Variants in KAZN observed in about 807,000 individuals in gnomAD.
KAZN encodes the protein kazrin, periplakin interacting protein, also known as kazrin.
In KAZN, 40 loss-of-function variants were observed where a neutral mutation model predicts 87.4. That is an observed-to-expected ratio of 0.46 (90% CI 0.36 to 0.60). The LOEUF (loss-of-function observed/expected upper bound fraction) is 0.60. Among genes scored for constraint, KAZN ranks in the 20% least tolerant of loss-of-function variants. KAZN has a pLI of 0.00. For missense variants in KAZN, 898 were observed against 1,073.9 expected, an observed-to-expected ratio of 0.84 and a Z score of 2.29; for synonymous variants, 466 against 458.3, an observed-to-expected ratio of 1.02 and a Z score of -0.22.
At chr1:15,084,470 G>C (rs527661538) in intron 8 of KAZN, among the ~76,000 whole-genome samples, 1 of 152,202 alleles carries the variant, frequency 6.6e-6, no homozygotes, top group Non-Finnish European at 1.5e-5. Flanking sequence ...CAGAAAATAA[G>C]GGAAATCCCC....
intron 1 of KAZN, among the ~76,000 whole-genome samples, chr1:14,102,110 AT>A (rs1344554920): frequency 2.0e-5 from 3 of 152,140 alleles, no homozygotes; most frequent in African/African-American, 7.2e-5. Flanking sequence ...TAAAAAAAAA[AT>A]AAGTCCCTTG....
At chr1:14,255,119 CAAAAA>C (rs71570191) in intron 2 of KAZN, among the ~76,000 whole-genome samples, 5 of 83,776 alleles carry the variant, frequency 6.0e-5, no homozygotes, top group South Asian at 9.7e-4. Flanking sequence ...GACTCTGTCT[CAAAAA>C]AAAAAAAAAA....
chr1:14,370,057 T>A (rs1429827511), intron 2 of KAZN, among the ~76,000 whole-genome samples: 1 of 152,170 alleles, frequency 6.6e-6, no homozygotes, highest in African/African-American at 2.4e-5. Flanking sequence ...CAGCCATGAA[T>A]CTTTGCACTA....
chr1:13,920,320 A>G lies in KAZN; in HGVS notation c.91+26564A>G, dbSNP rs138177948. On this transcript the variant is annotated intron_variant, in intron 1 of 16. Transcript: ENST00000636203. ...TCTTTTTGCCATGAATCAAGTGTCC[A>G]TCCTATATGTGGTCTGTTTTGGACT... Among the ~76,000 whole-genome samples the G allele has an allele frequency of 6.4e-3, 960 of 150,734 alleles. 9 individuals carry two copies. The highest frequency in any genetic ancestry group is 0.01 in the Non-Finnish European group (706 of 67,842).
At chr1:14,211,188 T>C (rs187547932) in intron 2 of KAZN, among the ~76,000 whole-genome samples, 10 of 152,280 alleles carry the variant, frequency 6.6e-5, no homozygotes, top group African/African-American at 2.4e-4. Context: ...CAACTATTTG[T>C]CCACAATTCA....
intron 1 of KAZN, among the ~76,000 whole-genome samples, chr1:13,993,885 G>A (rs1007123042): frequency 3.3e-5 from 5 of 152,152 alleles, no homozygotes; most frequent in Non-Finnish European, 5.9e-5. Flanking sequence ...TAAAAATGGA[G>A]TCATAGTTTT....
intron 1 of KAZN, among the ~76,000 whole-genome samples, chr1:14,098,722 G>A (rs1420548068): frequency 2.0e-5 from 3 of 152,206 alleles, no homozygotes; most frequent in Non-Finnish European, 4.4e-5. Context: ...TGGAGACCAT[G>A]CCTTTAAGTT....
At chr1:14,092,874 G>T (rs189565869) in intron 1 of KAZN, among the ~76,000 whole-genome samples, 38 of 152,268 alleles carry the variant, frequency 2.5e-4, no homozygotes, top group Middle Eastern at 6.8e-3. Context: ...AGTTAATAAA[G>T]ATGCAATTTA....
intron 1 of KAZN, among the ~76,000 whole-genome samples, chr1:14,609,650 T>C (rs562362206): frequency 6.6e-6 from 1 of 152,360 alleles, no homozygotes; most frequent in South Asian, 2.1e-4. Flanking sequence ...TCTTCCTCTT[T>C]TCTTGGCAAT....
intron 2 of KAZN, among the ~76,000 whole-genome samples, chr1:14,549,613 C>CTTTTT (rs5772587): frequency 4.4e-5 from 6 of 135,194 alleles, no homozygotes; most frequent in Admixed American, 7.5e-5. Context: ...CAGGCAACCC[C>CTTTTT]TTTTTTTTTT....
At chr1:14,931,940 G>A (rs1023689298) in intron 1 of KAZN, among the ~76,000 whole-genome samples, 2 of 152,124 alleles carry the variant, frequency 1.3e-5, no homozygotes, top group East Asian at 3.9e-4. Flanking sequence ...CGTGTTCCCA[G>A]AATCTACTAG....
chr1:14,857,340 G>A (rs768519862), intron 1 of KAZN, among the ~76,000 whole-genome samples: 56 of 152,034 alleles, frequency 3.7e-4, no homozygotes, highest in Admixed American at 2.6e-3. Context: ...GCCTAAGCTC[G>A]AGACTAGCCT....
At chr1:14,353,518 C>T (rs1658738723) in intron 2 of KAZN, among the ~76,000 whole-genome samples, 2 of 152,148 alleles carry the variant, frequency 1.3e-5, no homozygotes, top group African/African-American at 4.8e-5. Flanking sequence ...CGCGCCCGGC[C>T]GACGTCACTT....
chr1:14,137,081 C>T (rs1162837402), intron 1 of KAZN, among the ~76,000 whole-genome samples: 2 of 152,162 alleles, frequency 1.3e-5, no homozygotes, highest in African/African-American at 4.8e-5. Context: ...TGGGTTTTCC[C>T]AACAAGTGAG....
At chr1:14,985,227 C>T (rs1228660438) in intron 2 of KAZN, among the ~76,000 whole-genome samples, 2 of 128,334 alleles carry the variant, frequency 1.6e-5, no homozygotes, top group Non-Finnish European at 3.2e-5. Context: ...GTGGCTCACG[C>T]CTATAATCCC....
In KAZN at chr1:15,094,204, C is replaced by CGCG. The variant is rs771602302; in HGVS notation, c.1250_1252dup (p.Arg417dup). 6 of 1,613,582 alleles carry CGCG rather than the reference C, an allele frequency of 3.7e-6. No homozygotes were observed. Among genetic ancestry groups the CGCG allele is most frequent in the Non-Finnish European group, 5.1e-6 (6 of 1,179,874 alleles). On this transcript the variant is annotated inframe_insertion, in exon 9 of 15. Transcript: ENST00000376030. This position sits in a 1 kb window ranked among gnomAD's most constrained non-coding sequence, Gnocchi z 4.5. ...GACTCGGACAGCCAGTGCAGCCCCA[C>CGCG]GCGGCAGAGCCTCAGCCTGTCGGAA...
intron 1 of KAZN, among the ~76,000 whole-genome samples, chr1:14,139,835 C>G (rs572499149): frequency 2.0e-5 from 3 of 152,194 alleles, no homozygotes; most frequent in African/African-American, 4.8e-5. Context: ...CAGATTTTCT[C>G]TAAAATTCTT....
intron 1 of KAZN, among the ~76,000 whole-genome samples, chr1:14,906,590 A>G (rs1407193963): frequency 6.6e-6 from 1 of 151,966 alleles, no homozygotes; most frequent in African/African-American, 2.4e-5. Context: ...GGGCACGTTG[A>G]TATTTTTTCA....
chr1:14,505,991 A>T (rs1670565965), intron 2 of KAZN, among the ~76,000 whole-genome samples: 1 of 152,086 alleles, frequency 6.6e-6, no homozygotes, highest in South Asian at 2.1e-4. Flanking sequence ...AAAGTTCTGG[A>T]GGTGAATGGT....
Sources: gnomAD v4.1 joint callset for allele counts (sites outside exome capture counted in the v4.1 genomes callset) on GRCh38, gnomAD v4.1.1 for gene constraint, Gnocchi (gnomAD v3.1) non-coding constraint, MANE v1.5 for transcripts, NCBI Gene and HGNC (gene_info 2026-07-23, HGNC 2026-07-21) for gene names.